Variants in CDYL observed in about 807,000 individuals in gnomAD.
CDYL encodes chromodomain Y like.
A neutral mutation model predicts 47.3 loss-of-function variants in CDYL; 8 were observed. That is an observed-to-expected ratio of 0.17 (90% CI 0.10 to 0.31). The LOEUF (loss-of-function observed/expected upper bound fraction) is 0.31, where lower values mean the gene tolerates loss of function less well. CDYL is among the 10% of genes least tolerant of loss of function. The probability of loss-of-function intolerance (pLI) is 1.00; values close to 1 mark genes in which losing one functional copy is unlikely to be tolerated. For missense variants in CDYL, 471 were observed against 701.4 expected (o/e 0.67, Z 3.71); for synonymous variants, 266 against 265.0 (o/e 1.00, Z -0.04).
chr6:4,877,886 G>A (rs1412257854), intron 1 of CDYL, among the ~76,000 whole-genome samples: 1 of 152,110 alleles, frequency 6.6e-6, no homozygotes. Context: ...GATTATTTTT[G>A]GGAATGTGTT....
chr6:4,835,633 A>G (rs1265520046), intron 1 of CDYL, among the ~76,000 whole-genome samples: 2 of 152,170 alleles, frequency 1.3e-5, no homozygotes, highest in African/African-American at 4.8e-5. Flanking sequence ...AAGTCTGCAG[A>G]GCTTACTGCT....
chr6:4,810,721 C>A (rs1759503433), intron 1 of CDYL, among the ~76,000 whole-genome samples: 1 of 152,168 alleles, frequency 6.6e-6, no homozygotes, highest in Admixed American at 6.5e-5. Flanking sequence ...AGATTGGTGC[C>A]TGGCGAGGGC....
At chr6:4,915,986 T>C (rs1465160047) in intron 2 of CDYL, among the ~76,000 whole-genome samples, 4 of 152,240 alleles carry the variant, frequency 2.6e-5, no homozygotes, top group African/African-American at 9.6e-5. Context: ...TAGGAAATCT[T>C]TGGATCCACC....
intron 2 of CDYL, among the ~76,000 whole-genome samples, chr6:4,908,633 A>G (rs891702012): frequency 6.6e-6 from 1 of 152,170 alleles, no homozygotes; most frequent in Non-Finnish European, 1.5e-5. Context: ...TTTAAATAGT[A>G]CTTACAAGAT....
intron 2 of CDYL, among the ~76,000 whole-genome samples, chr6:4,917,996 C>G (rs1450123859): frequency 6.6e-6 from 1 of 152,094 alleles, no homozygotes; most frequent in East Asian, 1.9e-4. Context: ...TGTATCTACC[C>G]AAGATAGTAT....
intron 1 of CDYL, among the ~76,000 whole-genome samples, chr6:4,882,538 A>C (rs1761791653): frequency 6.6e-6 from 1 of 152,144 alleles, no homozygotes; most frequent in South Asian, 2.1e-4. Context: ...CCAGGGGTGG[A>C]AAGCAGGCAA....
chr6:4,874,257 A>G (rs775352389), intron 1 of CDYL, among the ~76,000 whole-genome samples: 16 of 152,160 alleles, frequency 1.1e-4, no homozygotes, highest in Non-Finnish European at 1.6e-4. Context: ...TACTGATTTG[A>G]AAGAGCGTTT....
chr6:4,950,931 C>CAAA (rs11434312), intron 5 of CDYL, among the ~76,000 whole-genome samples: 14 of 124,408 alleles, frequency 1.1e-4, no homozygotes, highest in African/African-American at 1.6e-4. Context: ...GACTCCGTCT[C>CAAA]AAAAAAAAAA....
chr6:4,884,848 T>G (rs1761859536), intron 1 of CDYL, among the ~76,000 whole-genome samples: 1 of 152,188 alleles, frequency 6.6e-6, no homozygotes, highest in African/African-American at 2.4e-5. Flanking sequence ...GTACAAGCAA[T>G]GCTAATAGGC....
chr6:4,789,610 A>C (rs1758863978), intron 1 of CDYL, among the ~76,000 whole-genome samples: 1 of 152,094 alleles, frequency 6.6e-6, no homozygotes, highest in African/African-American at 2.4e-5. Flanking sequence ...TGAGCTTTTG[A>C]GGGGCCATGT....
intron 4 of CDYL, among the ~76,000 whole-genome samples, chr6:4,941,200 CA>C (rs1354927462): frequency 6.6e-6 from 1 of 152,180 alleles, no homozygotes; most frequent in Non-Finnish European, 1.5e-5. Flanking sequence ...AGTGTTCATA[CA>C]TTTTGATTTC....
chr6:4,801,569 G>A (rs976295922), intron 1 of CDYL, among the ~76,000 whole-genome samples: 3 of 152,270 alleles, frequency 2.0e-5, no homozygotes, highest in East Asian at 1.9e-4. Flanking sequence ...ATATGCAGCC[G>A]CTTGTAGCTC....
At chr6:4,952,453 G>C (rs1561728410) in intron 6 of CDYL, 44 bp downstream of exon 6, 1 of 1,575,916 alleles carries the variant, frequency 6.3e-7, no homozygotes, top group Admixed American at 1.9e-5. Context: ...TTAAAAAATA[G>C]AAACTTTTCC....
chr6:4,914,567 T>C (rs1757503865), intron 2 of CDYL, among the ~76,000 whole-genome samples: 1 of 152,230 alleles, frequency 6.6e-6, no homozygotes, highest in Non-Finnish European at 1.5e-5. Context: ...GCTGTGTGGC[T>C]GCCTTGCAAC....
intron 3 of CDYL, among the ~76,000 whole-genome samples, chr6:4,747,323 A>T (rs898223299): frequency 4.4e-4 from 66 of 151,382 alleles, no homozygotes; most frequent in African/African-American, 8.3e-4. Context: ...AAAAAAAAAA[A>T]TCATGGGCAT....
Position 4,814,103 on chromosome 6 carries a change from A to G in CDYL, c.24+37296A>G, listed in dbSNP as rs185914597. ...CAAGTATTTTTTATTTCTAATAACAATGAACTTTTGGTGCATCTGGATAGG... is the reference window on the plus strand; with the variant it reads ...CAAGTATTTTTTATTTCTAATAACAGTGAACTTTTGGTGCATCTGGATAGG... On this transcript the variant is annotated intron_variant, in intron 1 of 6. Transcript: ENST00000397588. Among the ~76,000 whole-genome samples the G allele has an allele frequency of 1.9e-3, 287 of 152,284 alleles. 1 individual carries two copies. Among genetic ancestry groups the G allele is most frequent in the African/African-American group, 6.1e-3 (253 of 41,568 alleles).
intron 1 of CDYL, among the ~76,000 whole-genome samples, chr6:4,835,561 G>C (rs1242036889): frequency 6.6e-6 from 1 of 152,238 alleles, no homozygotes; most frequent in Non-Finnish European, 1.5e-5. Context: ...CCAGTTCTCA[G>C]ATCTCCAGCT....
intron 1 of CDYL, among the ~76,000 whole-genome samples, chr6:4,880,551 A>G (rs808629): frequency 0.022 from 3,407 of 152,298 alleles, 124 homozygotes; most frequent in African/African-American, 0.077. Context: ...GGTAAATACT[A>G]GGGATCGTGA....
chr6:4,791,942 G>A (rs1350782143), intron 1 of CDYL, among the ~76,000 whole-genome samples: 3 of 150,770 alleles, frequency 2.0e-5, no homozygotes, highest in Non-Finnish European at 4.4e-5. Flanking sequence ...GAGTGCAGTG[G>A]CGCGATCTCA....
Sources: allele counts gnomAD v4.1 joint callset (sites outside exome capture counted in the v4.1 genomes callset), GRCh38; gene constraint gnomAD v4.1.1; transcripts MANE v1.5; gene names NCBI Gene and HGNC (gene_info 2026-07-23, HGNC 2026-07-21).